The following SEC23B variants were observed in gnomAD, a reference collection of about 807,000 sequenced individuals.
SEC23B encodes protein transport protein Sec23B.
A neutral mutation model predicts 104.3 loss-of-function variants in SEC23B; 77 were observed. That is an observed-to-expected ratio of 0.74 (90% CI 0.61 to 0.89). SEC23B has a LOEUF of 0.89. Ranked by LOEUF, SEC23B falls within the 40% of genes least tolerant of loss-of-function variation. The pLI, the probability that SEC23B is intolerant of heterozygous loss-of-function variation, is 0.00. For missense variants in SEC23B, 885 were observed against 949.4 expected (o/e 0.93, Z 0.89); for synonymous variants, 338 against 332.5 (o/e 1.02, Z -0.18).
intron 14 of SEC23B, 95 bp downstream of exon 14, chr20:18,543,267 G>C (rs2060305540): frequency 6.6e-7 from 1 of 1,514,116 alleles, no homozygotes; most frequent in Admixed American, 1.7e-5. Context: ...TAGTGAATCA[G>C]CAAGAATTTA....
chr20:18,527,718 A>C, intron 9 of SEC23B, 107 bp downstream of exon 9: 2 of 810,356 alleles, frequency 2.5e-6, no homozygotes, highest in Non-Finnish European at 4.4e-6. Flanking sequence ...AGAAGCTTTC[A>C]GGTAGCTCTG....
At position 18,527,517 on chromosome 20, in the gene SEC23B, C is replaced by G. The variant is rs368960604; in HGVS notation, c.1015C>G (p.Arg339Gly). 6.2e-7 allele frequency: 1 copy of G among 1,611,216 alleles called. No individual in the cohort carries two copies. The highest frequency in any genetic ancestry group is 8.5e-7 in the Non-Finnish European group (1 of 1,177,264). ...ACAGCACTATGAGATGCTTGCTAAT[C>G]GAACAGCTGCAAATGGTCACTGCAT... ...ATKHYEMLANRTAANGHCIDI... is the reference protein window; with the variant it reads ...ATKHYEMLANGTAANGHCIDI... Residue 339 changes from arginine (R) to glycine (G), a missense_variant, in exon 9 of 20, where the codon CGA (arginine) becomes GGA (glycine). By Grantham distance (125) the Arg-to-Gly change is moderately radical. Coordinates refer to ENST00000650089, the MANE Select transcript of SEC23B (RefSeq NM_006363.6).
chr20:18,527,036 C>T (rs998432925), intron 8 of SEC23B, among the ~76,000 whole-genome samples: 12 of 152,128 alleles, frequency 7.9e-5, no homozygotes, highest in Admixed American at 7.2e-4. Context: ...GCCAACATGG[C>T]GAAACGCCTG....
intron 19 of SEC23B, among the ~76,000 whole-genome samples, chr20:18,556,056 G>A (rs923866319): frequency 1.3e-5 from 2 of 151,816 alleles, no homozygotes; most frequent in Non-Finnish European, 2.9e-5. Flanking sequence ...CCTCACATGC[G>A]TTGTTCACAA....
chr20:18,515,185 A>C (rs556939892), intron 3 of SEC23B, among the ~76,000 whole-genome samples: 1 of 152,342 alleles, frequency 6.6e-6, no homozygotes, highest in African/African-American at 2.4e-5. Context: ...GCTCTAAAAA[A>C]TATTTTTTAA....
chr20:18,551,107 A>C lies in SEC23B; in HGVS notation c.1924A>C (p.Ser642Arg). The change falls in exon 17 of 20, where the codon AGC (serine) becomes CGC (arginine). Residue 642 changes from serine to arginine, a missense_variant. Coordinates refer to ENST00000650089, the MANE Select transcript of SEC23B (RefSeq NM_006363.6). ...GPPEPVLLDS[S>R]SILADRILLM... ...TCTTCAGCCAGTACTCTTGGATAGC[A>C]GCAGCATTCTAGCTGACAGAATTTT... is the stretch of plus-strand genomic sequence containing the variant. 1.2e-6 allele frequency: 2 copies of C among 1,606,634 alleles called. No individual in the cohort carries two copies. The highest frequency in any genetic ancestry group is 1.7e-6 in the Non-Finnish European group (2 of 1,177,346).
chr20:18,523,637 GTGATCCACCTGTCT>G (rs2060106906), intron 4 of SEC23B, among the ~76,000 whole-genome samples: 1 of 150,856 alleles, frequency 6.6e-6, no homozygotes, highest in African/African-American at 2.4e-5. Flanking sequence ...TCCTGACCTC[GTGATCCACCTGTCT>G]TGGCCTCTCA....
rs767391702 is a variant in SEC23B at position 18,543,224 on chromosome 20, C to T, written c.1665+52C>T. On this transcript the variant is annotated intron_variant, in intron 14 of 19. Coordinates refer to ENST00000650089, the MANE Select transcript of SEC23B (RefSeq NM_006363.6). ...TCAGTCTTGGTTTCTGCTTTACTTT[C>T]GAGAAGAAAATTGTCACTTAATTAT... 3.9e-5 allele frequency: 63 copies of T among 1,608,030 alleles called. No individual in the cohort carries two copies. In the Admixed American group the frequency reaches 8.0e-4, roughly 20 times the overall value.
chr20:18,521,844 AT>A, intron 4 of SEC23B, among the ~76,000 whole-genome samples: 1 of 152,254 alleles, frequency 6.6e-6, no homozygotes, highest in Non-Finnish European at 1.5e-5. Flanking sequence ...GGAGGGACCA[AT>A]GTGTAAAAGA....
At chr20:18,548,333 A>C (rs991265341) in intron 15 of SEC23B, among the ~76,000 whole-genome samples, 1 of 152,258 alleles carries the variant, frequency 6.6e-6, no homozygotes, top group Admixed American at 6.5e-5. Flanking sequence ...ATTTTTAAGC[A>C]TACCGTTGAG....
At chr20:18,537,679 A>T (rs372367730) in intron 12 of SEC23B, among the ~76,000 whole-genome samples, 6 of 152,172 alleles carry the variant, frequency 3.9e-5, no homozygotes, top group South Asian at 4.1e-4. Context: ...TGGCACATGT[A>T]TACATATGTA....
chr20:18,513,889 C>G (rs2060002636), intron 3 of SEC23B, among the ~76,000 whole-genome samples: 1 of 152,164 alleles, frequency 6.6e-6, no homozygotes, highest in Non-Finnish European at 1.5e-5. Context: ...CCACTTATTT[C>G]CTGTGTAACT....
chr20:18,543,142 C>G lies in SEC23B; in HGVS notation c.1635C>G (p.Leu545=). Residue 545 remains leucine, a synonymous_variant, in exon 14 of 20, where the codon CTC becomes CTG. Transcript: ENST00000650089. ...AGTCAGAGGAGGGGCCCGATGTGCT[C>G]CGGTGGCTGGACCGACAACTCATCC... ...RAESEEGPDV[L]RWLDRQLIRL... 6.2e-7 allele frequency: 1 copy of G among 1,614,134 alleles called. No individual in the cohort carries two copies. The highest frequency in any genetic ancestry group is 1.3e-5 in the African/African-American group (1 of 75,024).
chr20:18,523,562 C>T lies in SEC23B; in HGVS notation c.367-871C>T, dbSNP rs571978982. Among the ~76,000 whole-genome samples the T allele has an allele frequency of 1.8e-3, 270 of 151,916 alleles. 2 individuals are homozygous for T. The highest frequency in any genetic ancestry group is 6.3e-3 in the African/African-American group (262 of 41,470). ...GGATTACAGGTGAACCCCACTACGC[C>T]TGGCTAATTTTTGTATTTTTAGTAC... is the stretch of plus-strand genomic sequence containing the variant. On this transcript the variant is annotated intron_variant, in intron 4 of 19. Coordinates refer to ENST00000650089, the MANE Select transcript of SEC23B (RefSeq NM_006363.6).
Position 18,554,291 on chromosome 20 carries a change from C to A in SEC23B, c.2049C>A (p.Phe683Leu). The A allele has an allele frequency of 6.2e-7, 1 of 1,614,204 alleles. No individual in the cohort carries two copies. The stretch of plus-strand genomic sequence containing the variant: ...AGGACATGCCCGAGTATGAAAACTT[C>A]AAGCACCTTCTGCAGGCACCACTGG... ...GYQDMPEYEN[F>L]KHLLQAPLDD... is the part of the protein sequence containing the mutation. Residue 683 changes from phenylalanine to leucine, a missense_variant, in exon 18 of 20, where the codon TTC becomes TTA. Coordinates refer to ENST00000650089, the MANE Select transcript of SEC23B (RefSeq NM_006363.6).
intron 1 of SEC23B, chr20:18,509,960 T>C (rs2059967139): frequency 1.3e-5 from 2 of 152,140 alleles, no homozygotes; most frequent in South Asian, 4.1e-4. Flanking sequence ...CTCAGCATAA[T>C]AGTAATTTTG....
intron 3 of SEC23B, 113 bp downstream of exon 3, chr20:18,512,395 C>T (rs1308203636): frequency 1.5e-6 from 1 of 673,778 alleles, no homozygotes; most frequent in African/African-American, 1.8e-5. Flanking sequence ...TTCTGCTGAA[C>T]TCAGGGTGAT....
In SEC23B at chr20:18,535,747, G is replaced by A. The variant is rs1555789463; in HGVS notation, c.1404+5G>A. On this transcript the variant is annotated splice_donor_5th_base_variant and intron_variant, in intron 12 of 19. Coordinates refer to ENST00000650089, the MANE Select transcript of SEC23B (RefSeq NM_006363.6). The stretch of plus-strand genomic sequence containing the variant: ...TATTTTGAAGTTGTCAATCAGGTGA[G>A]TTGGATTTCTTCACATGTCTTCATG... 2 of 1,605,910 alleles carry A rather than the reference G, an allele frequency of 1.2e-6. No individual in the cohort carries two copies. Among genetic ancestry groups the A allele is most frequent in the Non-Finnish European group, 1.7e-6 (2 of 1,172,502 alleles).
intron 15 of SEC23B, among the ~76,000 whole-genome samples, chr20:18,547,186 C>T (rs997973551): frequency 3.9e-5 from 6 of 152,074 alleles, no homozygotes; most frequent in Non-Finnish European, 5.9e-5. Flanking sequence ...TAGAGCCAGG[C>T]GGCCAGGTGT....
Sources: allele counts gnomAD v4.1 joint callset (sites outside exome capture counted in the v4.1 genomes callset), GRCh38; gene constraint gnomAD v4.1.1; transcripts MANE v1.5; gene names NCBI Gene and HGNC (gene_info 2026-07-23, HGNC 2026-07-21).